The following PRIM2 variants were observed in gnomAD, a reference collection of about 807,000 sequenced individuals.
The protein encoded by PRIM2 is DNA primase large subunit.
PRIM2 carries 39 observed loss-of-function variants against 67.3 expected under a neutral mutation model. The observed-to-expected ratio is 0.58, with a 90% confidence interval of 0.45 to 0.76. PRIM2 has a LOEUF of 0.76. PRIM2 is among the 30% of genes least tolerant of loss of function. The probability of loss-of-function intolerance (pLI) is 0.00; values close to 1 mark genes in which losing one functional copy is unlikely to be tolerated. For synonymous variants in PRIM2, 143 were observed against 198.7 expected (o/e 0.72, Z 2.36); for missense variants, 398 against 598.7 (o/e 0.66, Z 3.50).
chr6:57,252,705 T>G, the PRIM2 span, among the ~76,000 whole-genome samples: 1 of 152,356 alleles, frequency 6.6e-6, no homozygotes, highest in East Asian at 1.9e-4. Flanking sequence ...CCTCCCAAAG[T>G]GCTGGGATTA....
intron 7 of PRIM2, chr6:57,493,976 T>A (rs1203578289): frequency 6.6e-6 from 1 of 152,208 alleles, no homozygotes; most frequent in African/African-American, 2.4e-5. Context: ...TATGAAATAA[T>A]GTTATTGGAA....
At chr6:57,627,764 T>C (rs1405406968) in intron 12 of PRIM2, among the ~76,000 whole-genome samples, 1 of 152,208 alleles carries the variant, frequency 6.6e-6, no homozygotes, top group Non-Finnish European at 1.5e-5. Flanking sequence ...ACTTGACATT[T>C]TGTACTTTAT....
intron 7 of PRIM2, among the ~76,000 whole-genome samples, chr6:57,408,983 ATTCTTCTAT>A (rs1487219695): frequency 2.0e-5 from 3 of 152,032 alleles, no homozygotes; most frequent in Non-Finnish European, 4.4e-5. Context: ...TTGGTAATTC[ATTCTTCTAT>A]TCTTTTATTT....
Position 57,504,484 on chromosome 6 carries a change from T to C in PRIM2, c.694-2903T>C, listed in dbSNP as rs1392321758. ...TATTGGTTAATTCAGTGTGCTAATA[T>C]AGTTTTAATAATGAAAGGACATCTT... On this transcript the variant is annotated intron_variant, in intron 7 of 13. Coordinates refer to ENST00000615550, the MANE Select transcript of PRIM2 (RefSeq NM_000947.5). Among the ~76,000 whole-genome samples the C allele has an allele frequency of 2.9e-3, 437 of 152,346 alleles. 2 individuals carry two copies. The highest frequency in any genetic ancestry group is 0.01 in the African/African-American group (420 of 41,586).
the PRIM2 span, among the ~76,000 whole-genome samples, chr6:57,223,435 T>C: frequency 1.3e-5 from 2 of 152,212 alleles, no homozygotes; most frequent in Admixed American, 1.3e-4. Context: ...AGCTGTACTC[T>C]TATGCACATT....
At chr6:57,485,004 A>T (rs2127406996) in intron 7 of PRIM2, among the ~76,000 whole-genome samples, 1 of 152,322 alleles carries the variant, frequency 6.6e-6, no homozygotes, top group Non-Finnish European at 1.5e-5. Context: ...TAGTCAAAGT[A>T]CTCAAAAAAG....
intron 10 of PRIM2, among the ~76,000 whole-genome samples, chr6:57,590,076 C>G (rs1776259848): frequency 1.3e-5 from 2 of 152,174 alleles, no homozygotes; most frequent in African/African-American, 4.8e-5. Flanking sequence ...GCCTTTCAAA[C>G]AAAGAAGTCT....
At chr6:57,518,630 C>T (rs1481715037) in intron 8 of PRIM2, among the ~76,000 whole-genome samples, 1 of 152,036 alleles carries the variant, frequency 6.6e-6, no homozygotes, top group Non-Finnish European at 1.5e-5. Flanking sequence ...TTCCGTTTTC[C>T]AAGCTGCTAA....
At chr6:57,489,907 G>A (rs1289579746) in intron 7 of PRIM2, among the ~76,000 whole-genome samples, 1 of 151,190 alleles carries the variant, frequency 6.6e-6, no homozygotes, top group Non-Finnish European at 1.5e-5. Context: ...TCAATCAGGA[G>A]AAGCAAAATT....
chr6:57,453,577 G>T (rs936644370), intron 7 of PRIM2, among the ~76,000 whole-genome samples: 1 of 152,010 alleles, frequency 6.6e-6, no homozygotes, highest in South Asian at 2.1e-4. Context: ...TCATGATTTG[G>T]CTCTCTGTTT....
chr6:57,437,798 A>T (rs1046040079), intron 7 of PRIM2, among the ~76,000 whole-genome samples: 6 of 151,372 alleles, frequency 4.0e-5, no homozygotes, highest in African/African-American at 7.3e-5. Context: ...TCGAGTAGCT[A>T]GGACGAAAGG....
At chr6:57,471,431 G>A (rs1773335059) in intron 7 of PRIM2, among the ~76,000 whole-genome samples, 1 of 152,056 alleles carries the variant, frequency 6.6e-6, no homozygotes, top group East Asian at 1.9e-4. Flanking sequence ...TGGATTCAAA[G>A]GCAGAAAAAT....
At chr6:57,556,622 T>TA (rs1218670618) in intron 10 of PRIM2, among the ~76,000 whole-genome samples, 2 of 151,996 alleles carry the variant, frequency 1.3e-5, no homozygotes, top group Non-Finnish European at 2.9e-5. Flanking sequence ...TTACACCATA[T>TA]AAAAAAATCA....
chr6:57,638,096 C>T (rs1247049550), intron 13 of PRIM2, among the ~76,000 whole-genome samples: 177 of 152,288 alleles, frequency 1.2e-3, no homozygotes, highest in African/African-American at 3.5e-3. Flanking sequence ...AGCCAATATA[C>T]AACATTCTTA....
the PRIM2 span, among the ~76,000 whole-genome samples, chr6:57,231,863 A>AAC: frequency 0.87 from 132,167 of 151,118 alleles, 58,672 homozygotes; most frequent in South Asian, 0.99. Flanking sequence ...GGAAAAAAAA[A>AAC]AAACCACTAG....
chr6:57,249,606 G>C, the PRIM2 span, among the ~76,000 whole-genome samples: 2 of 152,170 alleles, frequency 1.3e-5, no homozygotes, highest in Non-Finnish European at 2.9e-5. Context: ...GCCTGGCGTG[G>C]TGGTGCGTGC....
intron 12 of PRIM2, among the ~76,000 whole-genome samples, chr6:57,620,170 T>C (rs1776826440): frequency 6.6e-6 from 1 of 152,090 alleles, no homozygotes; most frequent in Non-Finnish European, 1.5e-5. Flanking sequence ...CACTCCAACT[T>C]GGGTGACAGA....
intron 10 of PRIM2, among the ~76,000 whole-genome samples, chr6:57,551,444 G>T (rs2127475074): frequency 6.6e-6 from 1 of 152,288 alleles, no homozygotes; most frequent in African/African-American, 2.4e-5. Context: ...AAATTTGAAT[G>T]GTAAGGATGA....
chr6:57,508,110 T>C (rs1307408800), intron 8 of PRIM2, among the ~76,000 whole-genome samples: 5 of 152,054 alleles, frequency 3.3e-5, no homozygotes, highest in Admixed American at 1.3e-4. Flanking sequence ...TTCATTTTTG[T>C]TTTTTTAGTA....
Sources: gnomAD v4.1 joint callset for allele counts (sites outside exome capture counted in the v4.1 genomes callset) on GRCh38, gnomAD v4.1.1 for gene constraint, MANE v1.5 for transcripts, NCBI Gene and HGNC (gene_info 2026-07-23, HGNC 2026-07-21) for gene names.